The following CACNA2D3 variants were observed in gnomAD, a reference collection of about 807,000 sequenced individuals.
The protein encoded by CACNA2D3 is voltage-dependent calcium channel subunit alpha-2/delta-3.
A neutral mutation model predicts 160.6 loss-of-function variants in CACNA2D3; 60 were observed. That is an observed-to-expected ratio of 0.37 (90% CI 0.30 to 0.46). The LOEUF (loss-of-function observed/expected upper bound fraction) is 0.46, where lower values mean the gene tolerates loss of function less well. Among genes scored for constraint, CACNA2D3 ranks in the 20% least tolerant of loss-of-function variants. The pLI, the probability that CACNA2D3 is intolerant of heterozygous loss-of-function variation, is 1.00. For synonymous variants in CACNA2D3, 558 were observed against 492.9 expected, an observed-to-expected ratio of 1.13 and a Z score of -1.75; for missense variants, 1,205 against 1,365.0, an observed-to-expected ratio of 0.88 and a Z score of 1.85.
rs71096453 is a variant in CACNA2D3, at chr3:54,822,790, C to CCTTTCTTT, written c.1398+5957_1398+5964dup. ...TCTTTCTTTCTTTCTTTCTTTCTTT[C>CCTTTCTTT]CTTTCTTTCTTTCTTTCTTTCTTTC... On this transcript the variant is annotated intron_variant, in intron 14 of 37. Coordinates refer to ENST00000474759, the MANE Select transcript of CACNA2D3 (RefSeq NM_018398.3). Among the ~76,000 whole-genome samples the CCTTTCTTT allele has an allele frequency of 6.8e-3, 485 of 71,828 alleles. 9 individuals carry two copies. The highest frequency in any genetic ancestry group is 0.013 in the South Asian group (25 of 1,860). The allele number at this position is 71,828 out of a possible 152,430, so 47.1% of individuals were successfully genotyped here. A position where few individuals can be genotyped will look rare whatever the true frequency, so the allele number is the denominator to read the frequency against.
chr3:54,768,692 A>G (rs1702264988), intron 13 of CACNA2D3, among the ~76,000 whole-genome samples: 1 of 152,172 alleles, frequency 6.6e-6, no homozygotes, highest in Admixed American at 6.5e-5. Flanking sequence ...ATAACATTTC[A>G]CGTGGCCCAT....
chr3:54,457,929 G>A (rs1700429244), intron 4 of CACNA2D3, among the ~76,000 whole-genome samples: 1 of 151,834 alleles, frequency 6.6e-6, no homozygotes, highest in Non-Finnish European at 1.5e-5. Flanking sequence ...CTATTTGTAT[G>A]GATATCATTT....
chr3:54,595,313 GGTGTGTGTGTGTGTGTGTGTGT>G, intron 9 of CACNA2D3, among the ~76,000 whole-genome samples: 1 of 132,262 alleles, frequency 7.6e-6, no homozygotes, highest in Non-Finnish European at 1.6e-5. Flanking sequence ...CTGTGTGTGT[GGTGTGTGTGTGTGTGTGTGTGT>G]GTGTGTGTGT....
chr3:54,415,067 T>C (rs1699733444), intron 4 of CACNA2D3, among the ~76,000 whole-genome samples: 1 of 152,164 alleles, frequency 6.6e-6, no homozygotes, highest in South Asian at 2.1e-4. Flanking sequence ...TCTTGGCATA[T>C]CCGAAATTAT....
At chr3:54,815,585 T>C (rs1703431324) in intron 13 of CACNA2D3, among the ~76,000 whole-genome samples, 1 of 152,244 alleles carries the variant, frequency 6.6e-6, no homozygotes, top group South Asian at 2.1e-4. Context: ...AGAGAGAAAG[T>C]CTACTGTCAC....
chr3:54,486,738 G>C (rs1056801119), intron 4 of CACNA2D3, among the ~76,000 whole-genome samples: 28 of 152,144 alleles, frequency 1.8e-4, no homozygotes, highest in Admixed American at 1.6e-3. Flanking sequence ...AGCATACCCA[G>C]CATTCCCTGG....
intron 4 of CACNA2D3, among the ~76,000 whole-genome samples, chr3:54,464,762 G>T (rs534651463): frequency 2.0e-5 from 3 of 152,152 alleles, no homozygotes; most frequent in East Asian, 1.9e-4. Flanking sequence ...TTCGGCTAGC[G>T]CACGGTGCGC....
chr3:54,192,304 A>G (rs951146208), intron 2 of CACNA2D3, among the ~76,000 whole-genome samples: 1 of 152,142 alleles, frequency 6.6e-6, no homozygotes, highest in African/African-American at 2.4e-5. Context: ...CTAAAGGGGA[A>G]GTGCTTGCAG....
rs571536862 is a variant in CACNA2D3 at position 54,530,124 on chromosome 3, A to G, written c.544+26470A>G. ...TTAGGCAAGTGGTCCCTCCTCCTTC[A>G]CTTCTTGGGATTCCTTAGCACAGTT... On this transcript the variant is annotated intron_variant, in intron 5 of 37. Coordinates refer to ENST00000474759, the MANE Select transcript of CACNA2D3 (RefSeq NM_018398.3). Among the ~76,000 whole-genome samples the G allele has an allele frequency of 2.6e-5, 4 of 152,226 alleles. 1 individual carries two copies. Among genetic ancestry groups the G allele is most frequent in the Admixed American group, 2.6e-4 (4 of 15,294 alleles).
chr3:54,635,248 T>G (rs1190534995), intron 10 of CACNA2D3, among the ~76,000 whole-genome samples: 2 of 151,992 alleles, frequency 1.3e-5, no homozygotes, highest in Non-Finnish European at 2.9e-5. Context: ...ATAAAAGGTC[T>G]AAGAATTGGG....
At chr3:54,574,561 A>G (rs568056240) in intron 8 of CACNA2D3, among the ~76,000 whole-genome samples, 16 of 152,230 alleles carry the variant, frequency 1.1e-4, no homozygotes, top group Non-Finnish European at 1.8e-4. Context: ...TTGAAATATG[A>G]GAGTAATTTT....
chr3:55,022,438 T>A (rs1333714766), intron 35 of CACNA2D3, among the ~76,000 whole-genome samples: 1 of 152,184 alleles, frequency 6.6e-6, no homozygotes, highest in Non-Finnish European at 1.5e-5. Context: ...TTTAATCTTT[T>A]AAAATTTATG....
rs1701194714 is a variant in CACNA2D3 at position 54,722,843 on chromosome 3, G to A, written c.1168-29756G>A. Among the ~76,000 whole-genome samples the A allele has an allele frequency of 2.6e-5, 4 of 152,132 alleles. 1 individual carries two copies. Among genetic ancestry groups the A allele is most frequent in the Admixed American group, 2.6e-4 (4 of 15,274 alleles). ...AGGTGTCTGTCAGCCCCTACTGAGA[G>A]GTGTCTCCCAGTCAGGATACATGGG... On this transcript the variant is annotated intron_variant, in intron 11 of 37. Coordinates refer to ENST00000474759, the MANE Select transcript of CACNA2D3 (RefSeq NM_018398.3).
At chr3:54,288,835 C>G (rs1415393618) in intron 2 of CACNA2D3, among the ~76,000 whole-genome samples, 1 of 152,152 alleles carries the variant, frequency 6.6e-6, no homozygotes, top group Non-Finnish European at 1.5e-5. Flanking sequence ...GTGATTATCT[C>G]AATAGATGCA....
At chr3:54,379,479 A>C (rs1158073640) in intron 3 of CACNA2D3, among the ~76,000 whole-genome samples, 2 of 152,248 alleles carry the variant, frequency 1.3e-5, no homozygotes, top group Non-Finnish European at 1.5e-5. Context: ...CTATGACTCT[A>C]ACTGCAGTTG....
At chr3:54,333,382 C>T (rs986892219) in intron 3 of CACNA2D3, among the ~76,000 whole-genome samples, 49 of 152,060 alleles carry the variant, frequency 3.2e-4, no homozygotes, top group African/African-American at 1.2e-3. Context: ...CTGCACTGCT[C>T]ATTGGCCGCC....
intron 9 of CACNA2D3, chr3:54,626,731 G>A: frequency 1.4e-6 from 1 of 694,032 alleles, no homozygotes; most frequent in Non-Finnish European, 2.5e-6. Flanking sequence ...AAAGGGGTTC[G>A]GAATGCAGTG....
At chr3:54,166,117 G>C (rs1700450032) in intron 2 of CACNA2D3, among the ~76,000 whole-genome samples, 1 of 152,188 alleles carries the variant, frequency 6.6e-6, no homozygotes, top group South Asian at 2.1e-4. Flanking sequence ...TGTTGAGATG[G>C]TTGGGCTTCA....
intron 31 of CACNA2D3, among the ~76,000 whole-genome samples, 161 bp downstream of exon 31, chr3:54,987,914 G>A (rs559807390): frequency 4.6e-5 from 7 of 152,114 alleles, no homozygotes; most frequent in Admixed American, 2.6e-4. Flanking sequence ...CCTCTTGCAC[G>A]AGTGTTAGAG....
Sources: gnomAD v4.1 joint callset for allele counts (sites outside exome capture counted in the v4.1 genomes callset) on GRCh38, gnomAD v4.1.1 for gene constraint, MANE v1.5 for transcripts, NCBI Gene and HGNC (gene_info 2026-07-23, HGNC 2026-07-21) for gene names.